Variants in RXFP2 observed in about 807,000 individuals in gnomAD.
RXFP2 encodes the protein relaxin receptor 2.
A neutral mutation model predicts 88.6 loss-of-function variants in RXFP2; 68 were observed. The observed-to-expected ratio is 0.77, with a 90% CI of 0.63 to 0.94. The LOEUF (loss-of-function observed/expected upper bound fraction) is 0.94, where lower values mean the gene tolerates loss of function less well. Among genes scored for constraint, RXFP2 ranks in the 40% least tolerant of loss-of-function variants. RXFP2 has a pLI of 0.00. For missense variants in RXFP2, 791 were observed against 893.9 expected (o/e 0.88, Z 1.47); for synonymous variants, 329 against 306.8 (o/e 1.07, Z -0.76).
intron 13 of RXFP2, among the ~76,000 whole-genome samples, chr13:31,788,840 T>A (rs1873667505): frequency 6.6e-6 from 1 of 152,212 alleles, no homozygotes; most frequent in Admixed American, 6.5e-5. Context: ...CAGAGCCAAT[T>A]TCATAATACA....
intron 1 of RXFP2, among the ~76,000 whole-genome samples, chr13:31,745,947 G>T (rs1871394807): frequency 6.6e-6 from 1 of 152,206 alleles, no homozygotes; most frequent in African/African-American, 2.4e-5. Context: ...ACGGGAGGCA[G>T]CAGAGCAACA....
chr13:31,776,899 G>A (rs1000714541), intron 7 of RXFP2, among the ~76,000 whole-genome samples: 9 of 152,166 alleles, frequency 5.9e-5, no homozygotes, highest in African/African-American at 1.9e-4. Flanking sequence ...CTTATGAATA[G>A]CGTGACATCC....
intron 5 of RXFP2, among the ~76,000 whole-genome samples, chr13:31,767,900 G>T (rs575583870): frequency 2.0e-5 from 3 of 152,170 alleles, no homozygotes; most frequent in African/African-American, 7.2e-5. Flanking sequence ...GCTGACTTCT[G>T]GGGAGGGGGC....
intron 11 of RXFP2, among the ~76,000 whole-genome samples, 186 bp from the exon 12 acceptor site, chr13:31,786,197 G>T (rs1267607845): frequency 6.6e-6 from 1 of 152,178 alleles, no homozygotes; most frequent in Non-Finnish European, 1.5e-5. Context: ...AGTGTTACAT[G>T]TAAGTGTTGG....
chr13:31,752,006 T>C (rs919152667), intron 1 of RXFP2, among the ~76,000 whole-genome samples: 6 of 152,192 alleles, frequency 3.9e-5, no homozygotes, highest in African/African-American at 1.4e-4. Flanking sequence ...GGAAGAGAAG[T>C]CTTCCTTCTT....
chr13:31,750,054 G>T (rs1389535296), intron 1 of RXFP2, among the ~76,000 whole-genome samples: 2 of 152,260 alleles, frequency 1.3e-5, no homozygotes, highest in Middle Eastern at 3.4e-3. Context: ...TTAAAGTCAG[G>T]ATCTGGCAGT....
chr13:31,787,850 A>G (rs1275192750), intron 13 of RXFP2, among the ~76,000 whole-genome samples: 3 of 152,236 alleles, frequency 2.0e-5, no homozygotes, highest in African/African-American at 7.2e-5. Context: ...TGTGTTGCCC[A>G]GGCTGGTCTC....
chr13:31,779,607 C>T (rs1402101378), intron 9 of RXFP2, among the ~76,000 whole-genome samples: 1 of 152,164 alleles, frequency 6.6e-6, no homozygotes, highest in Non-Finnish European at 1.5e-5. Flanking sequence ...CCCACCATTC[C>T]CTGCCACATA....
intron 1 of RXFP2, among the ~76,000 whole-genome samples, chr13:31,740,524 T>C (rs1555279723): frequency 6.6e-6 from 1 of 152,048 alleles, no homozygotes; most frequent in Non-Finnish European, 1.5e-5. Flanking sequence ...TTTGAAATTA[T>C]TTTTATTTTC....
intron 4 of RXFP2, 68 bp downstream of exon 4, chr13:31,765,210 T>G: frequency 1.0e-6 from 1 of 958,232 alleles, no homozygotes; most frequent in Non-Finnish European, 1.7e-6. Context: ...AAAAACCCAA[T>G]AGTGTTGCTT....
intron 2 of RXFP2, among the ~76,000 whole-genome samples, chr13:31,759,418 A>AAAGAAAGAAAG (rs1566218515): frequency 1.2e-4 from 18 of 150,866 alleles, no homozygotes; most frequent in South Asian, 2.1e-4. Context: ...AGAAAGAAAG[A>AAAGAAAGAAAG]AAGAAAGAAA....
intron 5 of RXFP2, among the ~76,000 whole-genome samples, chr13:31,767,500 A>C (rs1389237623): frequency 6.6e-6 from 1 of 152,212 alleles, no homozygotes; most frequent in Non-Finnish European, 1.5e-5. Context: ...CTGCCTGAAT[A>C]ATACATGTGG....
intron 17 of RXFP2, among the ~76,000 whole-genome samples, chr13:31,798,067 A>G (rs955651924): frequency 6.6e-6 from 1 of 152,222 alleles, no homozygotes. Context: ...GTTTGGAATC[A>G]TCGTCAACCT....
chr13:31,768,757 C>T (rs1872639472), intron 5 of RXFP2, among the ~76,000 whole-genome samples: 1 of 152,172 alleles, frequency 6.6e-6, no homozygotes, highest in African/African-American at 2.4e-5. Context: ...TCCTCACCAT[C>T]CCCTTTACCC....
intron 2 of RXFP2, among the ~76,000 whole-genome samples, chr13:31,759,276 G>A (rs897991818): frequency 6.5e-4 from 98 of 151,312 alleles, no homozygotes; most frequent in African/African-American, 2.2e-3. Context: ...GATAAATAAG[G>A]AAATGAAACA....
intron 14 of RXFP2, 65 bp downstream of exon 14, chr13:31,789,258 T>A (rs1039463360): frequency 9.9e-7 from 1 of 1,005,356 alleles, no homozygotes; most frequent in Non-Finnish European, 1.6e-6. Context: ...TCCTGTAAAC[T>A]GTCTAATGTA....
At position 31,787,920 on chromosome 13, in the gene RXFP2, C is replaced by T. The variant is rs186822611; in HGVS notation, c.1074-1202C>T. Among the ~76,000 whole-genome samples, 110 of 152,316 alleles carry T rather than the reference C, an allele frequency of 7.2e-4. 1 individual carries two copies. The highest frequency in any genetic ancestry group is 3.4e-3 in the Admixed American group (52 of 15,302). On this transcript the variant is annotated intron_variant, in intron 13 of 17. Coordinates refer to ENST00000298386, the MANE Select transcript of RXFP2 (RefSeq NM_130806.5). ...CCTCCCAAAGTGCTAGGATTATAGG[C>T]GTGAGCCACCGTGCCTGCCCAGTCT...
intron 14 of RXFP2, 150 bp from the exon 15 acceptor site, chr13:31,791,656 A>G (rs1873795967): frequency 3.0e-6 from 2 of 655,926 alleles, no homozygotes; most frequent in Non-Finnish European, 5.5e-6. Context: ...TTTCATGAAG[A>G]ACTCTTTAAT....
At chr13:31,750,948 G>A (rs1045768073) in intron 1 of RXFP2, among the ~76,000 whole-genome samples, 1 of 152,158 alleles carries the variant, frequency 6.6e-6, no homozygotes, top group Non-Finnish European at 1.5e-5. Context: ...ATTTAGGTTG[G>A]TTGACTCGTT....
Sources: allele counts gnomAD v4.1 joint callset (sites outside exome capture counted in the v4.1 genomes callset), GRCh38; gene constraint gnomAD v4.1.1; transcripts MANE v1.5; gene names NCBI Gene and HGNC (gene_info 2026-07-23, HGNC 2026-07-21).